The following LHX8 variants were observed in gnomAD, a reference collection of about 807,000 sequenced individuals.
The protein encoded by LHX8 is LIM/homeobox protein Lhx8.
A neutral mutation model predicts 40.3 loss-of-function variants in LHX8; 12 were observed. The ratio of observed to expected loss-of-function variants is 0.30; its 90% CI spans 0.19 to 0.48. The LOEUF is 0.48. LHX8 is among the 20% of genes least tolerant of loss of function. The probability of loss-of-function intolerance (pLI) is 0.99; values close to 1 mark genes in which losing one functional copy is unlikely to be tolerated. For synonymous variants in LHX8, 179 were observed against 162.0 expected (o/e 1.10, Z -0.80); for missense variants, 344 against 433.7 (o/e 0.79, Z 1.84).
At chr1:75,175,821 C>G in the LHX8 span, among the ~76,000 whole-genome samples, 2 of 152,210 alleles carry the variant, frequency 1.3e-5, no homozygotes, top group Admixed American at 6.5e-5. Flanking sequence ...ATCCCTCCCC[C>G]ATTCCATCAT....
chr1:75,154,483 CT>C (rs1648701877), intron 7 of LHX8, among the ~76,000 whole-genome samples: 1 of 151,084 alleles, frequency 6.6e-6, no homozygotes, highest in South Asian at 2.1e-4. Context: ...CAAAAAGATA[CT>C]TTGAAGAAAC....
the LHX8 span, among the ~76,000 whole-genome samples, chr1:75,179,507 T>TG: frequency 1.3e-5 from 2 of 149,034 alleles, no homozygotes; most frequent in East Asian, 3.9e-4. Flanking sequence ...CTGTTGTTTT[T>TG]TTTTTTTTTT....
chr1:75,171,139 G>C, the LHX8 span, among the ~76,000 whole-genome samples: 2 of 152,082 alleles, frequency 1.3e-5, no homozygotes, highest in Non-Finnish European at 2.9e-5. Flanking sequence ...GCCCTGGCAG[G>C]TCAAAAAGTT....
chr1:75,182,375 T>C, the LHX8 span, among the ~76,000 whole-genome samples: 2 of 147,352 alleles, frequency 1.4e-5, no homozygotes, highest in African/African-American at 5.0e-5. Flanking sequence ...TTTCCTTTTT[T>C]TTTTTTTTTT....
upstream of LHX8, chr1:75,130,059 A>G (rs1055375158): frequency 6.5e-6 from 1 of 154,794 alleles, no homozygotes; most frequent in Admixed American, 6.3e-5. Context: ...CCTCCAAACC[A>G]CAGGCGTGCT....
At chr1:75,148,726 A>G (rs1648529283) in intron 7 of LHX8, 44 bp downstream of exon 7, 3 of 1,345,846 alleles carry the variant, frequency 2.2e-6, no homozygotes, top group Non-Finnish European at 3.2e-6. Context: ...TTTAAAAAAT[A>G]GATATTGGGT....
downstream of LHX8, among the ~76,000 whole-genome samples, chr1:75,163,018 CTT>C (rs11379344): frequency 1.4e-5 from 2 of 143,732 alleles, no homozygotes; most frequent in Non-Finnish European, 1.5e-5. Context: ...GGTAGGATAC[CTT>C]TTTTTTTTTT....
At chr1:75,198,520 C>A in the LHX8 span, among the ~76,000 whole-genome samples, 314 of 152,236 alleles carry the variant, frequency 2.1e-3, 2 homozygotes, top group African/African-American at 7.1e-3. Flanking sequence ...GTTGAGGAAG[C>A]CTTTGAGCAG....
rs536515663 is a variant in LHX8 at position 75,160,962 on chromosome 1, T to A, written c.*67T>A. ...TCATTTATTATGTATAAAATACCAT[T>A]GAAAAGATATTACTGTTAATTTTTT... On this transcript the variant is annotated 3_prime_UTR_variant, in exon 9 of 9. Transcript: ENST00000356261. 62 of 1,159,738 alleles carry A rather than the reference T, an allele frequency of 5.3e-5. No homozygotes were observed. The African/African-American group carries it at 6.5e-4, about 12-fold the overall frequency. 71.8% of individuals were successfully genotyped at this position (1,159,738 alleles called of 1,614,324 possible). A position where few individuals can be genotyped will look rare whatever the true frequency, so the allele number is the denominator to read the frequency against.
intron 7 of LHX8, among the ~76,000 whole-genome samples, chr1:75,149,500 GTTGTTTGTTTT>G (rs1483666476): frequency 1.3e-5 from 2 of 152,090 alleles, no homozygotes; most frequent in African/African-American, 4.8e-5. Context: ...TGTTGTTGTT[GTTGTTTGTTTT>G]TTGTTTGTTT....
chr1:75,174,272 G>A, the LHX8 span, among the ~76,000 whole-genome samples: 1 of 152,114 alleles, frequency 6.6e-6, no homozygotes. Context: ...TGGCCATCCT[G>A]GAGTCTGGTA....
At chr1:75,160,243 A>G (rs1298812494) in intron 8 of LHX8, 3 of 152,514 alleles carry the variant, frequency 2.0e-5, no homozygotes, top group Admixed American at 1.3e-4. Context: ...TTGGTCTCAG[A>G]GAAAGGTTTG....
intron 8 of LHX8, among the ~76,000 whole-genome samples, chr1:75,157,449 T>G (rs913167299): frequency 3.3e-5 from 5 of 152,240 alleles, no homozygotes; most frequent in Non-Finnish European, 2.9e-5. Flanking sequence ...AAAGAGTTGT[T>G]TTTTATAGAA....
At chr1:75,195,276 A>G in the LHX8 span, among the ~76,000 whole-genome samples, 1 of 152,114 alleles carries the variant, frequency 6.6e-6, no homozygotes, top group African/African-American at 2.4e-5. Flanking sequence ...AAGGTGAAGT[A>G]ACTTTCCCGA....
chr1:75,159,314 G>C (rs1376361752), intron 8 of LHX8: 1 of 151,924 alleles, frequency 6.6e-6, no homozygotes, highest in African/African-American at 2.4e-5. Context: ...CTTTGTGTTT[G>C]TCTTGAAAAA....
upstream of LHX8, chr1:75,131,911 T>C (rs1434488308): frequency 6.6e-6 from 1 of 152,164 alleles, no homozygotes; most frequent in Non-Finnish European, 1.5e-5. Flanking sequence ...ATTTTCAATT[T>C]AGTAGGTAGG....
chr1:75,159,556 T>G (rs1648861283), intron 8 of LHX8: 1 of 152,186 alleles, frequency 6.6e-6, no homozygotes, highest in African/African-American at 2.4e-5. Context: ...TTTTAAGATT[T>G]CCATTTATAT....
intron 1 of LHX8, among the ~76,000 whole-genome samples, 157 bp from the exon 2 acceptor site, chr1:75,136,446 C>G (rs1557485365): frequency 1.3e-5 from 2 of 151,874 alleles, no homozygotes; most frequent in African/African-American, 2.4e-5. Flanking sequence ...GCCAGCCCGC[C>G]CGCGGCGCCC....
At chr1:75,139,901 C>T (rs1342241478) in intron 3 of LHX8, among the ~76,000 whole-genome samples, 3 of 152,114 alleles carry the variant, frequency 2.0e-5, no homozygotes, top group African/African-American at 4.8e-5. Flanking sequence ...TGAGCAAAAG[C>T]CATATCTCAC....
Sources: allele counts gnomAD v4.1 joint callset (sites outside exome capture counted in the v4.1 genomes callset), GRCh38; gene constraint gnomAD v4.1.1; transcripts MANE v1.5; gene names NCBI Gene and HGNC (gene_info 2026-07-23, HGNC 2026-07-21).